CSDE1: variants seen among roughly 807,000 people sequenced by gnomAD.
CSDE1 encodes the protein cold shock domain-containing protein E1.
CSDE1 carries 17 observed loss-of-function variants against 89.3 expected under a neutral mutation model. The observed-to-expected ratio is 0.19, with a 90% CI of 0.13 to 0.29. The LOEUF is 0.29. Among genes scored for constraint, CSDE1 ranks in the 10% least tolerant of loss-of-function variants. CSDE1 has a pLI of 1.00. For missense variants in CSDE1, 672 were observed against 984.2 expected (o/e 0.68, Z 4.24); for synonymous variants, 322 against 332.8 (o/e 0.97, Z 0.35).
intron 9 of CSDE1, among the ~76,000 whole-genome samples, chr1:114,733,096 T>A (rs1007676522): frequency 6.6e-6 from 1 of 152,134 alleles, no homozygotes; most frequent in African/African-American, 2.4e-5. Context: ...GTCCTCACCT[T>A]CCCCACAAAC....
At chr1:114,730,121 T>TTTA in intron 12 of CSDE1, 137 bp downstream of exon 12, 2 of 955,680 alleles carry the variant, frequency 2.1e-6, no homozygotes, top group Non-Finnish European at 3.1e-6. Context: ...CCTTACTTTG[T>TTTA]TTAGTTCACT....
At chr1:114,732,879 C>T in intron 9 of CSDE1, 63 bp from the exon 10 acceptor site, 1 of 1,363,774 alleles carries the variant, frequency 7.3e-7, no homozygotes, top group Non-Finnish European at 1.0e-6. Flanking sequence ...CTAAGTCAAA[C>T]AAGAAGAACA....
At chr1:114,726,834 T>C in intron 13 of CSDE1, 149 bp downstream of exon 13, 1 of 571,560 alleles carries the variant, frequency 1.7e-6, no homozygotes, top group Non-Finnish European at 3.1e-6. Flanking sequence ...TTTAATAAGC[T>C]GCTTTCAAAT....
Position 114,730,290 on chromosome 1 carries a change from T to C in CSDE1, c.1324A>G (p.Lys442Glu), listed in dbSNP as rs945873992. Residue 442 changes from lysine to glutamate, a missense_variant, in exon 12 of 20, where the codon AAA (lysine) becomes GAA (glutamate). Lys to Glu is a moderately conservative substitution (Grantham distance 56). Transcript: ENST00000358528. ...TTGCCTTTATTTGGGCTAGTGGTTT[T>C]AGGATTGGAAAAAGTGGCTTCTTTT... ...VEKEATFSNP[K>E]TTSPNKGKEK... The C allele has an allele frequency of 6.2e-7, 1 of 1,614,026 alleles. No homozygotes were observed. Among genetic ancestry groups the C allele is most frequent in the Non-Finnish European group, 8.5e-7 (1 of 1,180,038 alleles).
At chr1:114,722,944 C>T (rs2101014784) in intron 16 of CSDE1, among the ~76,000 whole-genome samples, 1 of 152,292 alleles carries the variant, frequency 6.6e-6, no homozygotes, top group South Asian at 2.1e-4. Context: ...ACTTTATGTT[C>T]GCTGACTCTT....
Position 114,718,018 on chromosome 1 carries a change from A to G in CSDE1, c.*151T>C, listed in dbSNP as rs1332179977. 2.9e-6 allele frequency: 2 copies of G among 688,286 alleles called. No homozygotes were observed. Among genetic ancestry groups the G allele is most frequent in the Non-Finnish European group, 4.9e-6 (2 of 404,144 alleles). 42.6% of individuals were successfully genotyped at this position (688,286 alleles called of 1,614,324 possible). A position where few individuals can be genotyped will look rare whatever the true frequency, so the allele number is the denominator to read the frequency against. On this transcript the variant is annotated 3_prime_UTR_variant, in exon 20 of 20. Coordinates refer to ENST00000358528, the MANE Select transcript of CSDE1 (RefSeq NM_001007553.3). ...TAAATTTATTTATTTTTTTAAACATAACACGAGGAAGGTGTTAAAACTGGT... is the reference window on the plus strand; with the variant it reads ...TAAATTTATTTATTTTTTTAAACATGACACGAGGAAGGTGTTAAAACTGGT...
At chr1:114,751,997 G>A (rs1005508232) in intron 1 of CSDE1, among the ~76,000 whole-genome samples, 2 of 152,168 alleles carry the variant, frequency 1.3e-5, no homozygotes, top group African/African-American at 2.4e-5. Flanking sequence ...AGGTGAGTTG[G>A]CTCACGCCTG....
chr1:114,733,749 C>T lies in CSDE1; in HGVS notation c.820G>A (p.Val274Ile). The change falls in exon 9 of 20, where the codon GTA (valine) becomes ATA (isoleucine). Residue 274 changes from valine (V) to isoleucine (I), a missense_variant. Val to Ile is a conservative substitution (Grantham distance 29). Around this residue, in one of 8 missense-constraint regions of CSDE1, gnomAD observed 169 missense variants for 262.9 expected, o/e 0.64. Transcript: ENST00000358528. ...TTATTTACCTGGTTTTTACTGGGTA[C>T]TTTTGGGATAACTTTGGTTACAGTT... ...EGTVTKVIPK[V>I]PSKNQNDPLP... 1 of 1,613,576 alleles carries T rather than the reference C, an allele frequency of 6.2e-7. No individual in the cohort carries two copies. Among genetic ancestry groups the T allele is most frequent in the East Asian group, 2.2e-5 (1 of 44,842 alleles).
Position 114,733,716 on chromosome 1 carries a change from G to A in CSDE1, c.837+16C>T, listed in dbSNP as rs763988295. On this transcript the variant is annotated intron_variant, in intron 9 of 19. Transcript: ENST00000358528. Reference sequence around the variant, plus strand: ...TACTGAGGCGAAATAGGACTCTCCTGAAAAAGATTATTTACCTGGTTTTTA... The same window carrying A: ...TACTGAGGCGAAATAGGACTCTCCTAAAAAAGATTATTTACCTGGTTTTTA... 6.2e-7 allele frequency: 1 copy of A among 1,610,626 alleles called. No homozygotes were observed. Among genetic ancestry groups the A allele is most frequent in the East Asian group, 2.2e-5 (1 of 44,822 alleles).
intron 2 of CSDE1, among the ~76,000 whole-genome samples, chr1:114,740,820 T>G (rs1346006364): frequency 1.3e-5 from 2 of 152,218 alleles, no homozygotes; most frequent in Admixed American, 1.3e-4. Context: ...GTAATGACAT[T>G]TCTAAATCAT....
intron 19 of CSDE1, 104 bp from the exon 20 acceptor site, chr1:114,718,320 A>C (rs1461624272): frequency 7.4e-7 from 1 of 1,358,728 alleles, no homozygotes; most frequent in East Asian, 2.3e-5. Context: ...CATTATTTTT[A>C]ATCATCTTAT....
At position 114,718,116 on chromosome 1, in the gene CSDE1, A is replaced by G. The variant is rs1297785048; in HGVS notation, c.*53T>C. 12 of 1,594,390 alleles carry G rather than the reference A, an allele frequency of 7.5e-6. No homozygotes were observed. The highest frequency in any genetic ancestry group is 9.5e-6 in the Non-Finnish European group (11 of 1,162,742). ...AGGGAGATATTCAGAACCCTTCACCAGATTCCCCCCAACTTGATCATAGTG... is the reference window on the plus strand; with the variant it reads ...AGGGAGATATTCAGAACCCTTCACCGGATTCCCCCCAACTTGATCATAGTG... On this transcript the variant is annotated 3_prime_UTR_variant, in exon 20 of 20. Transcript: ENST00000358528.
At chr1:114,739,063 G>A (rs1435446294) in intron 3 of CSDE1, among the ~76,000 whole-genome samples, 11 of 150,068 alleles carry the variant, frequency 7.3e-5, no homozygotes, top group East Asian at 6.0e-4. Context: ...ACGGGGTCTC[G>A]CTCTGTCGCC....
In CSDE1 at chr1:114,719,569, CAA is replaced by C; in HGVS notation, c.2216+8_2216+9del. 6.2e-7 allele frequency: 1 copy of C among 1,610,546 alleles called. No homozygotes were observed. Among genetic ancestry groups the C allele is most frequent in the Non-Finnish European group, 8.5e-7 (1 of 1,178,900 alleles). ...GTAGTTACTAATCAAACCACAACAA[CAA>C]AACTCACCAGACTCGCCAAACATTA... On this transcript the variant is annotated splice_region_variant and intron_variant, in intron 18 of 19. Transcript: ENST00000358528.
intron 1 of CSDE1, among the ~76,000 whole-genome samples, chr1:114,751,313 A>G (rs928190311): frequency 6.6e-6 from 1 of 152,246 alleles, no homozygotes; most frequent in Non-Finnish European, 1.5e-5. Flanking sequence ...GGTGTTAACG[A>G]AAATTATTTC....
rs143187563 is a variant in CSDE1 at position 114,717,933 on chromosome 1, A to G, written c.*236T>C. 2.4e-5 allele frequency: 12 copies of G among 502,236 alleles called. No individual in the cohort carries two copies. Among genetic ancestry groups the G allele is most frequent in the African/African-American group, 1.7e-4 (9 of 51,442 alleles). 31.1% of individuals were successfully genotyped at this position (502,236 alleles called of 1,614,324 possible). A position where few individuals can be genotyped will look rare whatever the true frequency, so the allele number is the denominator to read the frequency against. ...AAATAAAGCTCCTAAAATTGATACT[A>G]TAAGGCGCCACCTTAAGTTTTTCCA... On this transcript the variant is annotated 3_prime_UTR_variant, in exon 20 of 20. Transcript: ENST00000358528.
intron 2 of CSDE1, among the ~76,000 whole-genome samples, chr1:114,742,818 T>C (rs758785094): frequency 6.6e-6 from 1 of 152,198 alleles, no homozygotes; most frequent in Non-Finnish European, 1.5e-5. Context: ...CACACAAATG[T>C]AGATTTCCCT....
intron 9 of CSDE1, 86 bp from the exon 10 acceptor site, chr1:114,732,902 A>G (rs1660181989): frequency 5.1e-6 from 6 of 1,182,870 alleles, no homozygotes; most frequent in Non-Finnish European, 7.4e-6. Context: ...TAGTAAACCC[A>G]TGTTATTTTT....
intron 1 of CSDE1, among the ~76,000 whole-genome samples, chr1:114,755,192 G>C (rs1401399709): frequency 6.6e-6 from 1 of 152,218 alleles, no homozygotes; most frequent in Non-Finnish European, 1.5e-5. Context: ...GTGCACAACA[G>C]CCACACGTGG....
Sources: allele counts gnomAD v4.1 joint callset (sites outside exome capture counted in the v4.1 genomes callset), GRCh38; gene constraint gnomAD v4.1.1; regional missense constraint gnomAD v4.1.1; transcripts MANE v1.5; gene names NCBI Gene and HGNC (gene_info 2026-07-23, HGNC 2026-07-21).